Variants in PRRC2C observed in about 807,000 individuals in gnomAD.
PRRC2C encodes protein PRRC2C.
Under a neutral mutation model 317.2 loss-of-function variants are expected in PRRC2C, and 72 were observed. That is an observed-to-expected ratio of 0.23 (90% CI 0.19 to 0.28). The LOEUF (loss-of-function observed/expected upper bound fraction) is 0.28. Ranked by LOEUF, PRRC2C falls within the 10% of genes least tolerant of loss-of-function variation. The pLI, the probability that PRRC2C is intolerant of heterozygous loss-of-function variation, is 1.00. For synonymous variants in PRRC2C, 1,296 were observed against 1,205.9 expected (o/e 1.07, Z -1.55); for missense variants, 3,074 against 3,459.7 (o/e 0.89, Z 2.80).
chr1:171,497,853 C>T (rs1011690467), intron 1 of PRRC2C, among the ~76,000 whole-genome samples: 5 of 149,056 alleles, frequency 3.4e-5, no homozygotes, highest in African/African-American at 1.2e-4. Flanking sequence ...CTCCTTTTGT[C>T]CCCCAGGCTG....
intron 1 of PRRC2C, 142 bp from the exon 2 acceptor site, chr1:171,511,890 T>A: frequency 4.6e-6 from 2 of 433,918 alleles, no homozygotes; most frequent in South Asian, 5.3e-5. Context: ...ATCAATTTTG[T>A]TGTGTATTGG....
chr1:171,591,883 CGG>C lies in PRRC2C; in HGVS notation c.*38_*39del. The C allele has an allele frequency of 1.8e-6, 2 of 1,126,334 alleles. No homozygotes were observed. Among genetic ancestry groups the C allele is most frequent in the Non-Finnish European group, 1.2e-6 (1 of 856,594 alleles). The allele number at this position is 1,126,334 out of a possible 1,614,324, so 69.8% of individuals were successfully genotyped here. On this transcript the variant is annotated 3_prime_UTR_variant, in exon 35 of 35. Coordinates refer to ENST00000647382, the MANE Select transcript of PRRC2C (RefSeq NM_001387844.1). ...TTATTGCAGGGGATTGGGAGGGGGG[CGG>C]GAAAACATGGAGAATTAAGTCAGAT...
intron 28 of PRRC2C, among the ~76,000 whole-genome samples, chr1:171,583,401 A>G (rs1410233505): frequency 1.3e-5 from 2 of 151,940 alleles, no homozygotes; most frequent in Non-Finnish European, 2.9e-5. Context: ...GATCATCAAT[A>G]TACTTTCATC....
chr1:171,548,458 C>G (rs773456840), intron 17 of PRRC2C, among the ~76,000 whole-genome samples: 1 of 152,170 alleles, frequency 6.6e-6, no homozygotes, highest in Admixed American at 6.5e-5. Context: ...CAAGTTATCA[C>G]CATCCTGAAT....
intron 33 of PRRC2C, among the ~76,000 whole-genome samples, 153 bp from the exon 34 acceptor site, chr1:171,589,216 T>C (rs945176555): frequency 4.6e-5 from 7 of 152,166 alleles, no homozygotes; most frequent in African/African-American, 1.7e-4. Context: ...TCCTTGTCCT[T>C]GTTAATGGAA....
intron 20 of PRRC2C, among the ~76,000 whole-genome samples, chr1:171,564,783 A>G (rs1254640013): frequency 6.6e-6 from 1 of 152,222 alleles, no homozygotes; most frequent in Non-Finnish European, 1.5e-5. Flanking sequence ...ACGATATTAT[A>G]ATTTTATGGA....
intron 26 of PRRC2C, among the ~76,000 whole-genome samples, chr1:171,578,819 G>C (rs542697907): frequency 1.3e-5 from 2 of 151,320 alleles, no homozygotes; most frequent in Admixed American, 6.6e-5. Context: ...GGGATCAATC[G>C]TGCCACTGCA....
intron 1 of PRRC2C, among the ~76,000 whole-genome samples, chr1:171,504,577 C>T (rs1035238793): frequency 2.0e-5 from 3 of 152,172 alleles, no homozygotes; most frequent in Non-Finnish European, 4.4e-5. Context: ...AAATCAAATG[C>T]TTATGTGTAT....
chr1:171,546,646 C>G (rs890608886), intron 17 of PRRC2C, among the ~76,000 whole-genome samples: 1 of 152,160 alleles, frequency 6.6e-6, no homozygotes, highest in African/African-American at 2.4e-5. Flanking sequence ...GTTGCCCAGG[C>G]TGGTGTACAG....
rs1180283753 is a variant in PRRC2C, at chr1:171,539,982, C to T, written c.2516C>T (p.Ala839Val). ...EEPEDVRSEA[A>V]LDQEQITAAY... ...TCTTATCATCATAGGTCTGAAGCTG[C>T]GTTGGACCAGGAACAGATTACTGCT... The change falls in exon 16 of 35, where the codon GCG becomes GTG. Residue 839 changes from alanine (A) to valine (V), a missense_variant. Ala to Val is a moderately conservative substitution (Grantham distance 64, BLOSUM62 0). Transcript: ENST00000647382. 7.5e-6 allele frequency: 12 copies of T among 1,607,886 alleles called. No homozygotes were observed. Among genetic ancestry groups the T allele is most frequent in the Middle Eastern group, 1.7e-4 (1 of 6,022 alleles).
intron 33 of PRRC2C, 110 bp downstream of exon 33, chr1:171,588,615 A>G: frequency 1.6e-6 from 2 of 1,217,462 alleles, no homozygotes; most frequent in Non-Finnish European, 2.3e-6. Flanking sequence ...AGTTTTTAAT[A>G]AAAAATTGTT....
intron 17 of PRRC2C, among the ~76,000 whole-genome samples, chr1:171,547,633 C>CTTTTTTTTT (rs35480518): frequency 3.1e-5 from 4 of 129,840 alleles, no homozygotes; most frequent in African/African-American, 5.8e-5. Context: ...AGTTTCCCTT[C>CTTTTTTTTT]TTTTTTTTTT....
intron 1 of PRRC2C, among the ~76,000 whole-genome samples, chr1:171,507,908 C>G (rs1670557933): frequency 6.6e-6 from 1 of 152,134 alleles, no homozygotes; most frequent in Non-Finnish European, 1.5e-5. Flanking sequence ...TTTTGATGCT[C>G]TAGTAAATGG....
intron 11 of PRRC2C, 55 bp downstream of exon 11, chr1:171,527,899 G>T: frequency 6.9e-7 from 1 of 1,455,512 alleles, no homozygotes; most frequent in Non-Finnish European, 9.4e-7. Context: ...CTTTTGTTTT[G>T]GTGGAAAGAC....
rs944964078 is a variant in PRRC2C, at chr1:171,517,636, C to T, written c.572C>T (p.Ser191Leu). 5.6e-6 allele frequency: 9 copies of T among 1,612,610 alleles called. No homozygotes were observed. The highest frequency in any genetic ancestry group is 1.7e-5 in the Admixed American group (1 of 59,696). Reference protein sequence around the residue: ...RDGGKAAGSPSSSDQDEKLPG... With the variant: ...RDGGKAAGSPLSSDQDEKLPG... ...GGTGGTAAGGCTGCTGGCTCACCTT[C>T]GTCATCTGATCAAGATGAAAAGCTC... The change falls in exon 6 of 35, where the codon TCG (serine) becomes TTG (leucine). Residue 191 changes from serine to leucine, a missense_variant. By Grantham distance (145) the Ser-to-Leu change is moderately radical. Transcript: ENST00000647382.
At chr1:171,559,505 GTTTGTTTTTTTTTTT>G (rs1473865291) in intron 19 of PRRC2C, among the ~76,000 whole-genome samples, 1 of 95,124 alleles carries the variant, frequency 1.1e-5, no homozygotes, top group Non-Finnish European at 2.0e-5. Context: ...GGCATACCAA[GTTTGTTTTTTTTTTT>G]TTTTTTTTTT....
intron 17 of PRRC2C, among the ~76,000 whole-genome samples, chr1:171,547,996 C>T (rs1462742594): frequency 6.6e-6 from 1 of 151,290 alleles, no homozygotes; most frequent in Non-Finnish European, 1.5e-5. Flanking sequence ...GGTAATGTCT[C>T]GCCCTGTCAC....
Position 171,532,790 on chromosome 1 carries a change from G to C in PRRC2C, c.1702G>C (p.Glu568Gln). Residue 568 changes from glutamate (E) to glutamine (Q), a missense_variant, in exon 12 of 35, where the codon GAA (glutamate) becomes CAA (glutamine). By Grantham distance (29) the Glu-to-Gln change is conservative. Coordinates refer to ENST00000647382, the MANE Select transcript of PRRC2C (RefSeq NM_001387844.1). ...EKERKQEKEK[E>Q]LERQKEKEKE... ...AGAAAGAAAGCAAGAAAAAGAAAAA[G>C]AACTAGAACGGCAGAAAGAAAAGGA... is the stretch of plus-strand genomic sequence containing the variant. 6.4e-7 allele frequency: 1 copy of C among 1,554,548 alleles called. No individual in the cohort carries two copies. The highest frequency in any genetic ancestry group is 8.7e-7 in the Non-Finnish European group (1 of 1,153,020).
rs1650330943 is a variant in PRRC2C, at chr1:171,587,569, T to C, written c.7969-79T>C. Reference sequence around the variant, plus strand: ...CTTTGCCCTTTCCTAGATTACGTCTTCACGTATAGGACATGTAAACACAGC... The same window carrying C: ...CTTTGCCCTTTCCTAGATTACGTCTCCACGTATAGGACATGTAAACACAGC... On this transcript the variant is annotated intron_variant, in intron 31 of 34. Coordinates refer to ENST00000647382, the MANE Select transcript of PRRC2C (RefSeq NM_001387844.1). 3.1e-6 allele frequency: 3 copies of C among 974,866 alleles called. No homozygotes were observed. In the Admixed American group the frequency reaches 7.1e-5, roughly 23 times the overall value. The allele number at this position is 974,866 out of a possible 1,614,324, so 60.4% of individuals were successfully genotyped here. A position where few individuals can be genotyped will look rare whatever the true frequency, so the allele number is the denominator to read the frequency against.
Sources: gnomAD v4.1 joint callset for allele counts (sites outside exome capture counted in the v4.1 genomes callset) on GRCh38, gnomAD v4.1.1 for gene constraint, MANE v1.5 for transcripts, NCBI Gene and HGNC (gene_info 2026-07-23, HGNC 2026-07-21) for gene names.